The following MPDZ variants were observed in gnomAD, a reference collection of about 807,000 sequenced individuals.
MPDZ encodes the protein multiple PDZ domain crumbs cell polarity complex component, also known as multiple PDZ domain protein.
Under a neutral mutation model 239.1 loss-of-function variants are expected in MPDZ, and 234 were observed. That is an observed-to-expected ratio of 0.98 (90% CI 0.88 to 1.09). The LOEUF is 1.09. Ranked by LOEUF, MPDZ falls within the 50% of genes least tolerant of loss-of-function variation. MPDZ has a pLI of 0.00. For synonymous variants in MPDZ, 1,048 were observed against 881.3 expected, an observed-to-expected ratio of 1.19 and a Z score of -3.35; for missense variants, 3,175 against 2,510.0, an observed-to-expected ratio of 1.26 and a Z score of -5.66.
chr9:13,258,646 A>C (rs187356717), intron 1 of MPDZ, among the ~76,000 whole-genome samples: 10 of 152,280 alleles, frequency 6.6e-5, no homozygotes, highest in Admixed American at 4.6e-4. Flanking sequence ...ATGTCACAGT[A>C]CCCACCAAAT....
chr9:13,190,077 AGGC>A (rs1954687356), intron 16 of MPDZ, 34 bp downstream of exon 16: 1 of 1,551,410 alleles, frequency 6.4e-7, no homozygotes, highest in South Asian at 1.2e-5. Flanking sequence ...TAGCAACAAT[AGGC>A]CTTTAAAAAT....
At chr9:13,214,376 CAT>C (rs1037975028) in intron 10 of MPDZ, among the ~76,000 whole-genome samples, 17 of 151,968 alleles carry the variant, frequency 1.1e-4, no homozygotes, top group African/African-American at 3.6e-4. Context: ...CAGGCAAATC[CAT>C]AGAGACAGAA....
intron 26 of MPDZ, among the ~76,000 whole-genome samples, chr9:13,147,117 T>C (rs1210502694): frequency 1.3e-5 from 2 of 152,116 alleles, no homozygotes; most frequent in South Asian, 2.1e-4. Flanking sequence ...TCACAGATGA[T>C]TATGGGATTG....
At chr9:13,230,320 T>C (rs1056148175) in intron 3 of MPDZ, among the ~76,000 whole-genome samples, 7 of 151,928 alleles carry the variant, frequency 4.6e-5, no homozygotes, top group African/African-American at 1.7e-4. Flanking sequence ...TGTACAGAAA[T>C]AAAAACCTAG....
intron 39 of MPDZ, among the ~76,000 whole-genome samples, chr9:13,117,180 A>G (rs1943589702): frequency 6.6e-6 from 1 of 152,168 alleles, no homozygotes; most frequent in Admixed American, 6.5e-5. Flanking sequence ...TTCTAAAAAT[A>G]CCTTATTTTA....
chr9:13,276,778 G>A (rs752484003), intron 1 of MPDZ: 3 of 152,184 alleles, frequency 2.0e-5, no homozygotes, highest in Non-Finnish European at 4.4e-5. Context: ...CAACCTGAGA[G>A]AGACAAGACT....
At chr9:13,112,785 A>T (rs1942710050) in intron 42 of MPDZ, among the ~76,000 whole-genome samples, 1 of 152,180 alleles carries the variant, frequency 6.6e-6, no homozygotes, top group African/African-American at 2.4e-5. Context: ...GGTCAATTTT[A>T]TGCTATTTTC....
intron 21 of MPDZ, among the ~76,000 whole-genome samples, chr9:13,174,438 C>G (rs1418457059): frequency 6.6e-6 from 1 of 152,044 alleles, no homozygotes; most frequent in Non-Finnish European, 1.5e-5. Context: ...ATCAATTATT[C>G]AAGAAAAATG....
intron 12 of MPDZ, among the ~76,000 whole-genome samples, chr9:13,201,344 G>A (rs368227884): frequency 6.7e-6 from 1 of 150,162 alleles, no homozygotes; most frequent in Admixed American, 6.7e-5. Flanking sequence ...TTCTCTTGAT[G>A]CTTTCAGTAT....
intron 23 of MPDZ, among the ~76,000 whole-genome samples, chr9:13,160,548 C>T (rs1950334671): frequency 6.6e-6 from 1 of 151,664 alleles, no homozygotes; most frequent in Admixed American, 6.6e-5. Flanking sequence ...TCATTTGACA[C>T]AATATTTCAG....
chr9:13,225,320 A>G (rs767364417), intron 3 of MPDZ, among the ~76,000 whole-genome samples: 16 of 152,070 alleles, frequency 1.1e-4, no homozygotes, highest in Admixed American at 1.3e-4. Context: ...ACTTATGTAT[A>G]AACTCTATGC....
intron 22 of MPDZ, among the ~76,000 whole-genome samples, chr9:13,164,068 C>A (rs1359700362): frequency 6.6e-6 from 1 of 152,158 alleles, no homozygotes; most frequent in Non-Finnish European, 1.5e-5. Context: ...GGAGCACAAT[C>A]CAAATAGAAG....
chr9:13,227,572 C>A (rs189272583), intron 3 of MPDZ, among the ~76,000 whole-genome samples: 2 of 151,858 alleles, frequency 1.3e-5, no homozygotes, highest in Non-Finnish European at 2.9e-5. Flanking sequence ...ATGAACAAAT[C>A]GCATCCCGAG....
intron 1 of MPDZ, among the ~76,000 whole-genome samples, chr9:13,250,955 C>T (rs1967810371): frequency 6.6e-6 from 1 of 151,338 alleles, no homozygotes; most frequent in South Asian, 2.1e-4. Context: ...ATGGTGAAAC[C>T]CCGTCTCTGC....
chr9:13,130,447 G>A (rs1293234290), intron 32 of MPDZ, among the ~76,000 whole-genome samples: 3 of 1,314 alleles, frequency 2.3e-3, no homozygotes, highest in Admixed American at 0.021. Context: ...CTCTTCCTTC[G>A]CAGATACTTA....
intron 3 of MPDZ, among the ~76,000 whole-genome samples, chr9:13,245,274 A>C (rs1398673979): frequency 6.6e-6 from 1 of 152,016 alleles, no homozygotes; most frequent in Admixed American, 6.6e-5. Context: ...TCATGTAAGA[A>C]AGAATCTGGT....
intron 32 of MPDZ, among the ~76,000 whole-genome samples, chr9:13,127,132 C>G (rs951969129): frequency 3.3e-5 from 5 of 152,150 alleles, no homozygotes; most frequent in African/African-American, 1.2e-4. Flanking sequence ...CAAAACCAAC[C>G]AAAGAATCCC....
At chr9:13,178,258 C>A (rs376849891) in intron 19 of MPDZ, among the ~76,000 whole-genome samples, 424 of 116,376 alleles carry the variant, frequency 3.6e-3, no homozygotes, top group African/African-American at 5.1e-3. Flanking sequence ...GACTGCATCT[C>A]AAAAAAAAAA....
intron 46 of MPDZ, among the ~76,000 whole-genome samples, 178 bp from the exon 47 acceptor site, chr9:13,107,289 C>A (rs554879604): frequency 6.6e-6 from 1 of 152,170 alleles, no homozygotes; most frequent in Admixed American, 6.5e-5. Context: ...GAAGGTCTTT[C>A]TCCTAAATGG....
Sources: gnomAD v4.1 joint callset for allele counts (sites outside exome capture counted in the v4.1 genomes callset) on GRCh38, gnomAD v4.1.1 for gene constraint, MANE v1.5 for transcripts, NCBI Gene and HGNC (gene_info 2026-07-23, HGNC 2026-07-21) for gene names.